The following TBATA variants were observed in gnomAD, a reference collection of about 807,000 sequenced individuals.
TBATA encodes protein TBATA.
A neutral mutation model predicts 38.7 loss-of-function variants in TBATA; 47 were observed. That is an observed-to-expected ratio of 1.21 (90% confidence interval 0.96 to 1.55). TBATA has a LOEUF of 1.55. TBATA is among the 40% of genes most tolerant of loss of function. The probability of loss-of-function intolerance (pLI) is 0.00; values close to 1 mark genes in which losing one functional copy is unlikely to be tolerated. For synonymous variants in TBATA, 183 were observed against 170.5 expected (o/e 1.07, Z -0.57); for missense variants, 436 against 435.6 (o/e 1.00, Z -0.01).
intron 7 of TBATA, among the ~76,000 whole-genome samples, chr10:70,776,800 G>A (rs922320016): frequency 6.6e-6 from 1 of 152,198 alleles, no homozygotes; most frequent in Non-Finnish European, 1.5e-5. Context: ...TAGCCATGCA[G>A]GCTGTGGGGT....
Position 70,783,520 on chromosome 10 carries a change from C to T in TBATA, c.-141G>A, listed in dbSNP as rs1844522714. Reference sequence around the variant, plus strand: ...CTGGTGGTGGAAGTGTAAACGGGAACAGGCACTTTAGGGGGAGAAATGGTA... The same window carrying T: ...CTGGTGGTGGAAGTGTAAACGGGAATAGGCACTTTAGGGGGAGAAATGGTA... On this transcript the variant is annotated 5_prime_UTR_variant, in exon 3 of 11. Coordinates refer to ENST00000456372, the MANE Select transcript of TBATA (RefSeq NM_001318241.2). The T allele has an allele frequency of 3.2e-6, 3 of 929,480 alleles. No homozygotes were observed. The highest frequency in any genetic ancestry group is 5.1e-6 in the Non-Finnish European group (3 of 589,018). 57.6% of individuals were successfully genotyped at this position (929,480 alleles called of 1,614,324 possible).
At position 70,781,918 on chromosome 10, in the gene TBATA, G is replaced by A. The variant is rs773444702; in HGVS notation, c.160C>T (p.Arg54Trp). ...TGGGGCTTTGGGGTCCTCAATGCCC[G>A]GCGGATCCGCTCGAAATCCACAATC... Reference protein sequence around the residue: ...PGIVDFERIRRALRTPKPQTP... With the variant: ...PGIVDFERIRWALRTPKPQTP... The change falls in exon 4 of 11, where the codon CGG (arginine) becomes TGG (tryptophan). Residue 54 changes from arginine to tryptophan, a missense_variant. By Grantham distance (101) the Arg-to-Trp change is moderately radical. Transcript: ENST00000456372. 52 of 1,614,194 alleles carry A rather than the reference G, an allele frequency of 3.2e-5. No individual in the cohort carries two copies. Among genetic ancestry groups the A allele is most frequent in the East Asian group, 2.7e-4 (12 of 44,874 alleles).
At position 70,777,048 on chromosome 10, in the gene TBATA, A is replaced by C. The variant is rs1453054152; in HGVS notation, c.693+105T>G. On this transcript the variant is annotated intron_variant, in intron 7 of 10. Coordinates refer to ENST00000456372, the MANE Select transcript of TBATA (RefSeq NM_001318241.2). ...ACAGGGCTGGAGTTTTCTGTTCTTA[A>C]CAGTCCTAGGCACCAGTATCCCTGG... 9 of 1,267,356 alleles carry C rather than the reference A, an allele frequency of 7.1e-6. No homozygotes were observed. The East Asian group carries it at 2.3e-4, about 32-fold the overall frequency. 78.5% of individuals were successfully genotyped at this position (1,267,356 alleles called of 1,614,324 possible). A position where few individuals can be genotyped will look rare whatever the true frequency, so the allele number is the denominator to read the frequency against.
chr10:70,780,404 T>G (rs1165989354), intron 4 of TBATA, among the ~76,000 whole-genome samples: 2 of 151,996 alleles, frequency 1.3e-5, no homozygotes, highest in African/African-American at 4.8e-5. Context: ...GTGCCAGGAC[T>G]CCTCACTCTT....
At position 70,778,570 on chromosome 10, in the gene TBATA, A is replaced by T; in HGVS notation, c.494T>A (p.Leu165Gln). ...TTCCGCACCCACCTCTTTCTTCTTC[A>T]GTTCATCCTCCTTGGTGAGGAAGGC... ...RVAFLTKEDE[L>Q]KKKEQKEQKE... The change falls in exon 6 of 11, where the codon CTG becomes CAG. Residue 165 changes from leucine to glutamine, a missense_variant. Transcript: ENST00000456372. 1 of 1,614,024 alleles carries T rather than the reference A, an allele frequency of 6.2e-7. No homozygotes were observed. The highest frequency in any genetic ancestry group is 8.5e-7 in the Non-Finnish European group (1 of 1,179,988).
intron 3 of TBATA, chr10:70,782,765 A>T (rs995476755): frequency 3.9e-6 from 2 of 512,750 alleles, no homozygotes; most frequent in Non-Finnish European, 5.0e-6. Flanking sequence ...GGTCAAGATC[A>T]GCAAAGGTGG....
At chr10:70,774,777 C>T (rs999891234) in intron 8 of TBATA, among the ~76,000 whole-genome samples, 8 of 152,156 alleles carry the variant, frequency 5.3e-5, no homozygotes, top group South Asian at 2.1e-4. Flanking sequence ...CCAGTGCGTC[C>T]GCGTGTGTAT....
At chr10:70,781,262 G>A (rs1239792576) in intron 4 of TBATA, among the ~76,000 whole-genome samples, 1 of 152,158 alleles carries the variant, frequency 6.6e-6, no homozygotes, top group Non-Finnish European at 1.5e-5. Flanking sequence ...TCATGTTAAT[G>A]GCCATGTCTT....
intron 8 of TBATA, 84 bp downstream of exon 8, chr10:70,775,105 A>G: frequency 7.4e-7 from 1 of 1,344,476 alleles, no homozygotes; most frequent in South Asian, 1.3e-5. Flanking sequence ...GAGCTGAGGG[A>G]CATTTGAGTC....
At chr10:70,775,103 G>A in intron 8 of TBATA, 86 bp downstream of exon 8, 1 of 1,329,386 alleles carries the variant, frequency 7.5e-7, no homozygotes, top group Non-Finnish European at 1.1e-6. Flanking sequence ...GGGAGCTGAG[G>A]GACATTTGAG....
intron 9 of TBATA, among the ~76,000 whole-genome samples, chr10:70,773,140 C>T (rs1454638219): frequency 6.6e-6 from 1 of 152,158 alleles, no homozygotes; most frequent in Non-Finnish European, 1.5e-5. Context: ...TGAAGCCTGT[C>T]TTCCTCGCTA....
At chr10:70,782,689 G>A in intron 3 of TBATA, 1 of 977,318 alleles carries the variant, frequency 1.0e-6, no homozygotes, top group Non-Finnish European at 1.2e-6. Context: ...GCCAGCTTGG[G>A]TCCTCTCTCC....
intron 10 of TBATA, 72 bp downstream of exon 10, chr10:70,772,442 G>A: frequency 6.9e-7 from 1 of 1,447,734 alleles, no homozygotes; most frequent in Non-Finnish European, 9.7e-7. Context: ...AAGTTGACTG[G>A]AATCCCCTGA....
chr10:70,773,581 C>T (rs1016389580), intron 9 of TBATA, among the ~76,000 whole-genome samples: 7 of 152,136 alleles, frequency 4.6e-5, no homozygotes, highest in African/African-American at 1.7e-4. Context: ...GGGTCCAAGA[C>T]TGAATCCCAG....
In TBATA at chr10:70,771,594, T is replaced by C. The variant is rs139323035; in HGVS notation, c.974-133A>G. ...CAGCTCCTGCTCTCAGCTCTGCTGGTGACCGAGGAGGGAATCCAACCTGAG... is the reference window on the plus strand; with the variant it reads ...CAGCTCCTGCTCTCAGCTCTGCTGGCGACCGAGGAGGGAATCCAACCTGAG... On this transcript the variant is annotated intron_variant, in intron 10 of 10. Transcript: ENST00000456372. The C allele has an allele frequency of 1.7e-3, 1,361 of 809,206 alleles. 1 individual carries two copies. The highest frequency in any genetic ancestry group is 2.4e-3 in the Non-Finnish European group (1,212 of 509,316). 50.1% of individuals were successfully genotyped at this position (809,206 alleles called of 1,614,324 possible).
At chr10:70,773,325 T>C (rs1385347711) in intron 9 of TBATA, among the ~76,000 whole-genome samples, 1 of 152,168 alleles carries the variant, frequency 6.6e-6, no homozygotes, top group Non-Finnish European at 1.5e-5. Flanking sequence ...CCTTCCTGAC[T>C]TCCATGCCTT....
chr10:70,774,420 G>A (rs555950093), intron 8 of TBATA, 63 bp from the exon 9 acceptor site: 23 of 1,497,888 alleles, frequency 1.5e-5, no homozygotes, highest in Non-Finnish European at 1.9e-5. Flanking sequence ...CCTGTGGCGG[G>A]GCCAGAAGCA....
chr10:70,779,789 A>G (rs764332307), intron 4 of TBATA, 47 bp from the exon 5 acceptor site: 1 of 1,500,662 alleles, frequency 6.7e-7, no homozygotes, highest in East Asian at 2.7e-5. Context: ...GGTGGACCTT[A>G]AGAGCTCCAG....
At chr10:70,774,871 G>A (rs1171350860) in intron 8 of TBATA, among the ~76,000 whole-genome samples, 9 of 152,178 alleles carry the variant, frequency 5.9e-5, no homozygotes, top group East Asian at 3.9e-4. Context: ...CCAATGCAAC[G>A]TGTGAGGGGC....
Sources: allele counts gnomAD v4.1 joint callset (sites outside exome capture counted in the v4.1 genomes callset), GRCh38; gene constraint gnomAD v4.1.1; transcripts MANE v1.5; gene names NCBI Gene and HGNC (gene_info 2026-07-23, HGNC 2026-07-21).